The following LRMDA variants were observed in gnomAD, a reference collection of about 807,000 sequenced individuals.
The protein encoded by LRMDA is leucine rich melanocyte differentiation associated.
Under a neutral mutation model 29.8 loss-of-function variants are expected in LRMDA, and 18 were observed. The ratio of observed to expected loss-of-function variants is 0.60; its 90% confidence interval spans 0.42 to 0.90. LRMDA has a LOEUF of 0.90. Among genes scored for constraint, LRMDA ranks in the 40% least tolerant of loss-of-function variants. LRMDA has a pLI of 0.00. For missense variants in LRMDA, 273 were observed against 273.9 expected (o/e 1.00, Z 0.02); for synonymous variants, 125 against 109.4 (o/e 1.14, Z -0.89).
intron 2 of LRMDA, among the ~76,000 whole-genome samples, chr10:75,562,423 G>A (rs997451041): frequency 2.0e-5 from 3 of 152,006 alleles, no homozygotes; most frequent in Non-Finnish European, 2.9e-5. Flanking sequence ...GCCTATGTGT[G>A]TCTCTGCACG....
At chr10:76,394,697 G>A (rs936058948) in intron 6 of LRMDA, among the ~76,000 whole-genome samples, 7 of 152,050 alleles carry the variant, frequency 4.6e-5, no homozygotes, top group South Asian at 2.1e-4. Flanking sequence ...AATGCAAGGC[G>A]GATTACTACT....
intron 5 of LRMDA, among the ~76,000 whole-genome samples, chr10:76,157,741 G>A (rs1850565308): frequency 6.6e-6 from 1 of 151,858 alleles, no homozygotes; most frequent in Non-Finnish European, 1.5e-5. Flanking sequence ...TGTGTGTATA[G>A]GCATGTGTCA....
intron 2 of LRMDA, among the ~76,000 whole-genome samples, chr10:75,635,054 G>C (rs957863399): frequency 5.9e-5 from 9 of 152,168 alleles, no homozygotes; most frequent in Non-Finnish European, 1.3e-4. Context: ...ACTTTTTTAA[G>C]AGAAATGTGA....
At chr10:76,148,378 T>G (rs1421331268) in intron 5 of LRMDA, among the ~76,000 whole-genome samples, 2 of 152,114 alleles carry the variant, frequency 1.3e-5, no homozygotes, top group African/African-American at 4.8e-5. Flanking sequence ...ATCAAACAAC[T>G]AACTGGGCAA....
rs79579698 is a variant in LRMDA at position 75,957,346 on chromosome 10, T to A, written c.132-78662T>A. On this transcript the variant is annotated intron_variant, in intron 2 of 6. Transcript: ENST00000611255. ...TTAATCCTTGCACCATTTAGTCTCCTTATCAAATGGCCCAGGCCTATTCTT... is the reference window on the plus strand; with the variant it reads ...TTAATCCTTGCACCATTTAGTCTCCATATCAAATGGCCCAGGCCTATTCTT... Among the ~76,000 whole-genome samples the A allele has an allele frequency of 6.3e-3, 960 of 152,358 alleles. 19 individuals are homozygous for A. Among genetic ancestry groups the A allele is most frequent in the African/African-American group, 0.022 (914 of 41,586 alleles).
At chr10:75,544,798 G>A (rs893502796) in intron 2 of LRMDA, among the ~76,000 whole-genome samples, 14 of 151,918 alleles carry the variant, frequency 9.2e-5, no homozygotes, top group African/African-American at 3.4e-4. Flanking sequence ...TATAATTGAC[G>A]AATAAAAATG....
At chr10:75,748,242 C>T (rs1381495115) in intron 2 of LRMDA, among the ~76,000 whole-genome samples, 1 of 152,090 alleles carries the variant, frequency 6.6e-6, no homozygotes, top group African/African-American at 2.4e-5. Flanking sequence ...TATAGGCACA[C>T]ACCACCACAC....
chr10:76,209,261 G>A (rs1851593490), intron 5 of LRMDA, among the ~76,000 whole-genome samples: 1 of 152,080 alleles, frequency 6.6e-6, no homozygotes, highest in Non-Finnish European at 1.5e-5. Flanking sequence ...GTGCTTCCGT[G>A]CCTCTGAGCA....
intron 5 of LRMDA, among the ~76,000 whole-genome samples, chr10:76,251,293 C>T (rs931815403): frequency 3.0e-4 from 39 of 129,502 alleles, no homozygotes; most frequent in Admixed American, 1.7e-3. Flanking sequence ...TCACCCAGGC[C>T]GGACTGCGGA....
At chr10:75,971,071 T>C (rs1846959722) in intron 2 of LRMDA, among the ~76,000 whole-genome samples, 1 of 152,156 alleles carries the variant, frequency 6.6e-6, no homozygotes, top group South Asian at 2.1e-4. Context: ...GGCTTTTCAA[T>C]CCTGGTCCAA....
intron 6 of LRMDA, among the ~76,000 whole-genome samples, chr10:76,543,038 G>T (rs939594171): frequency 1.3e-5 from 2 of 152,048 alleles, no homozygotes; most frequent in Admixed American, 1.3e-4. Flanking sequence ...TGTGCTTAAG[G>T]CTCACAAGGT....
chr10:76,072,429 C>T (rs190260479), intron 5 of LRMDA, among the ~76,000 whole-genome samples: 1 of 152,202 alleles, frequency 6.6e-6, no homozygotes, highest in East Asian at 1.9e-4. Flanking sequence ...GTGCTTGGCA[C>T]ATAGTAGGTG....
chr10:76,001,522 G>A (rs966696272), intron 2 of LRMDA, among the ~76,000 whole-genome samples: 1 of 152,076 alleles, frequency 6.6e-6, no homozygotes, highest in African/African-American at 2.4e-5. Context: ...CTTAAACTTT[G>A]TTATATTTAA....
intron 6 of LRMDA, among the ~76,000 whole-genome samples, chr10:76,390,767 A>G (rs539666851): frequency 1.6e-3 from 238 of 152,294 alleles, no homozygotes; most frequent in African/African-American, 5.2e-3. Context: ...CTCAGTAGCC[A>G]GGGTCCATTC....
chr10:75,702,666 CAAAT>C (rs1161329641), intron 2 of LRMDA, among the ~76,000 whole-genome samples: 5 of 152,160 alleles, frequency 3.3e-5, no homozygotes, highest in Non-Finnish European at 7.4e-5. Context: ...CTAGAAATAA[CAAAT>C]AGATTATTTT....
At chr10:76,384,265 A>G (rs533378818) in intron 6 of LRMDA, among the ~76,000 whole-genome samples, 1 of 152,192 alleles carries the variant, frequency 6.6e-6, no homozygotes, top group Admixed American at 6.5e-5. Flanking sequence ...TTATACATTT[A>G]TCTATTAACC....
intron 5 of LRMDA, among the ~76,000 whole-genome samples, chr10:76,290,836 A>G (rs1589413573): frequency 6.6e-6 from 1 of 152,352 alleles, no homozygotes; most frequent in East Asian, 1.9e-4. Context: ...CTTATTTAGT[A>G]TATAATGAAG....
At chr10:75,687,531 C>T (rs2132157698) in intron 2 of LRMDA, among the ~76,000 whole-genome samples, 1 of 152,244 alleles carries the variant, frequency 6.6e-6, no homozygotes, top group African/African-American at 2.4e-5. Context: ...GAGGTTTGTT[C>T]AGGAGGTTTA....
At chr10:76,541,094 AT>A (rs145394824) in intron 6 of LRMDA, among the ~76,000 whole-genome samples, 2,313 of 152,220 alleles carry the variant, frequency 0.015, 23 homozygotes, top group Middle Eastern at 0.037. Context: ...TTGGAATTGT[AT>A]GTTCCTAGGT....
Sources: allele counts gnomAD v4.1 joint callset (sites outside exome capture counted in the v4.1 genomes callset), GRCh38; gene constraint gnomAD v4.1.1; transcripts MANE v1.5; gene names NCBI Gene and HGNC (gene_info 2026-07-23, HGNC 2026-07-21).